The following SUMF1 variants were observed in gnomAD, a reference collection of about 807,000 sequenced individuals.
SUMF1 encodes the protein sulfatase modifying factor 1, also known as formylglycine-generating enzyme.
In SUMF1, 48 loss-of-function variants were observed where a neutral mutation model predicts 47.6. That is an observed-to-expected ratio of 1.01 (90% CI 0.80 to 1.28). SUMF1 has a LOEUF of 1.28. Ranked by LOEUF, SUMF1 falls within the 50% of genes most tolerant of loss-of-function variation. The pLI, the probability that SUMF1 is intolerant of heterozygous loss-of-function variation, is 0.00. For missense variants in SUMF1, 571 were observed against 485.4 expected, an observed-to-expected ratio of 1.18 and a Z score of -1.66; for synonymous variants, 230 against 192.1, an observed-to-expected ratio of 1.20 and a Z score of -1.63.
chr3:4,086,999 G>A (rs533555283), intron 8 of SUMF1, among the ~76,000 whole-genome samples: 133 of 152,190 alleles, frequency 8.7e-4, no homozygotes, highest in Non-Finnish European at 1.6e-3. Context: ...TATCAGTAGC[G>A]TGAAAACAGA....
At chr3:4,359,070 G>A (rs944414482), downstream of SUMF1, among the ~76,000 whole-genome samples, 3 of 152,160 alleles carry the variant, frequency 2.0e-5, no homozygotes, top group South Asian at 6.2e-4. Flanking sequence ...TATGTTTTGT[G>A]TACAATGTCA....
Position 4,055,337 on chromosome 3 carries a change from C to T in SUMF1, c.1191+13232G>A, listed in dbSNP as rs112207758. Among the ~76,000 whole-genome samples, 838 of 152,114 alleles carry T rather than the reference C, an allele frequency of 5.5e-3. 12 individuals carry two copies. The highest frequency in any genetic ancestry group is 0.018 in the African/African-American group (767 of 41,514). On this transcript the variant is annotated intron_variant and NMD_transcript_variant, in intron 9 of 12. Coordinates refer to the SUMF1 transcript ENST00000448413. The stretch of plus-strand genomic sequence containing the variant: ...TCTCAGATATTTTCCAAGTTATTAT[C>T]CTGTATTAATATATTGACTCTTTAT...
chr3:4,196,192 G>A (rs1358287256), intron 8 of SUMF1, among the ~76,000 whole-genome samples: 1 of 152,078 alleles, frequency 6.6e-6, no homozygotes, highest in African/African-American at 2.4e-5. Flanking sequence ...TAGCTCCAGA[G>A]CCTCTGAATT....
chr3:4,225,084 G>C (rs1327061674), intron 8 of SUMF1, among the ~76,000 whole-genome samples: 2 of 150,644 alleles, frequency 1.3e-5, no homozygotes, highest in African/African-American at 2.5e-5. Flanking sequence ...AATTACAGTA[G>C]AAAGACAAGG....
intron 6 of SUMF1, among the ~76,000 whole-genome samples, chr3:4,416,860 A>G (rs769219848): frequency 1.3e-5 from 2 of 152,248 alleles, no homozygotes; most frequent in African/African-American, 2.4e-5. Flanking sequence ...TCTGGGTGGT[A>G]GAATTCCAGG....
chr3:4,043,660 T>C (rs1002325786), intron 9 of SUMF1, among the ~76,000 whole-genome samples: 1 of 152,180 alleles, frequency 6.6e-6, no homozygotes, highest in Non-Finnish European at 1.5e-5. Context: ...CTTCTTCGTC[T>C]ATCTCACACT....
rs182453008 is a variant in SUMF1 at position 4,243,976 on chromosome 3, C to T, written c.1014+132354G>A. ...GTGCATATATATTTAGGATAGTTAG[C>T]TCTTCTTGTTGAATTGATCCCTTTA... On this transcript the variant is annotated intron_variant and NMD_transcript_variant, in intron 8 of 12. Coordinates refer to the SUMF1 transcript ENST00000448413. Among the ~76,000 whole-genome samples, 1,340 of 152,278 alleles carry T rather than the reference C, an allele frequency of 8.8e-3. 33 individuals carry two copies. Among genetic ancestry groups the T allele is most frequent in the African/African-American group, 0.031 (1,281 of 41,556 alleles).
In SUMF1 at chr3:4,313,412, AT is replaced by A. The variant is rs907120390; in HGVS notation, c.1014+62917del. On this transcript the variant is annotated intron_variant and NMD_transcript_variant, in intron 8 of 12. Coordinates refer to the SUMF1 transcript ENST00000448413. ...GGAAATATTGGAAGATTCCTTAATC[AT>A]TCTTGTGAGCCAAACCTTTTGATGA... The A allele has an allele frequency of 7.4e-6, 12 of 1,613,946 alleles. No homozygotes were observed. In the Admixed American group the frequency reaches 1.8e-4, roughly 25 times the overall value.
intron 3 of SUMF1, among the ~76,000 whole-genome samples, chr3:4,427,455 C>G (rs1255775359): frequency 6.6e-6 from 1 of 152,152 alleles, no homozygotes; most frequent in Non-Finnish European, 1.5e-5. Flanking sequence ...AAAAATATTT[C>G]CTCAGTACCC....
chr3:4,368,477 C>T (rs6764763), intron 8 of SUMF1, among the ~76,000 whole-genome samples: 88,688 of 151,664 alleles, frequency 0.58, 26,306 homozygotes, highest in East Asian at 0.76. Context: ...CCCAGCCATC[C>T]CATTACTGGG....
In SUMF1 at chr3:4,035,116, G is replaced by A. The variant is rs1368420136; in HGVS notation, c.1191+33453C>T. On this transcript the variant is annotated intron_variant and NMD_transcript_variant, in intron 9 of 12. Transcript: ENST00000448413. ...GCCATAATAAAGTGGGGGACATTTT[G>A]AGTTTTTAAAGCAATGGTATGAGTT... 2.0e-5 allele frequency among the ~76,000 whole-genome samples: 3 copies of A among 152,214 alleles called. No individual in the cohort carries two copies. In the East Asian group the frequency reaches 5.8e-4, roughly 30 times the overall value.
intron 8 of SUMF1, chr3:4,316,103 G>T: frequency 1.4e-5 from 7 of 485,414 alleles, no homozygotes; most frequent in African/African-American, 2.0e-5. Flanking sequence ...TTTGGTATTT[G>T]ATATTGGAAT....
chr3:4,172,228 G>A (rs1160800366), intron 8 of SUMF1, among the ~76,000 whole-genome samples: 2 of 152,136 alleles, frequency 1.3e-5, no homozygotes, highest in South Asian at 2.1e-4. Context: ...GGAAAGAGAC[G>A]TTATTAAAGA....
chr3:4,319,619 CTT>C (rs777650461), intron 8 of SUMF1, among the ~76,000 whole-genome samples: 3 of 152,174 alleles, frequency 2.0e-5, no homozygotes, highest in Non-Finnish European at 2.9e-5. Context: ...TGTTCCAAAA[CTT>C]TTAAATGTCA....
chr3:4,275,610 G>A lies in SUMF1; in HGVS notation c.1014+100720C>T, dbSNP rs375346544. ...GATCCCTTTGGAATAGTCAACACCA[G>A]CTTAGTCTATTCAGGACCTATCTGC... On this transcript the variant is annotated intron_variant and NMD_transcript_variant, in intron 8 of 12. Coordinates refer to the SUMF1 transcript ENST00000448413. Among the ~76,000 whole-genome samples, 13 of 152,290 alleles carry A rather than the reference G, an allele frequency of 8.5e-5. 3 individuals are homozygous for A. The highest frequency in any genetic ancestry group is 6.5e-5 in the Admixed American group (1 of 15,298).
intron 8 of SUMF1, among the ~76,000 whole-genome samples, chr3:4,126,418 C>G (rs1239352740): frequency 6.6e-6 from 1 of 152,066 alleles, no homozygotes; most frequent in Non-Finnish European, 1.5e-5. Flanking sequence ...TCTCTAAACA[C>G]AACTATACAT....
intron 9 of SUMF1, among the ~76,000 whole-genome samples, chr3:4,059,800 A>T (rs1695248066): frequency 6.6e-6 from 1 of 151,974 alleles, no homozygotes; most frequent in African/African-American, 2.4e-5. Context: ...CCTGTGGAAA[A>T]AAAAAAAAAA....
At chr3:4,395,374 G>A (rs1701007984) in intron 7 of SUMF1, among the ~76,000 whole-genome samples, 2 of 152,070 alleles carry the variant, frequency 1.3e-5, no homozygotes, top group Non-Finnish European at 2.9e-5. Context: ...TTAAGAGTGA[G>A]CAGATGAAAC....
intron 7 of SUMF1, among the ~76,000 whole-genome samples, chr3:4,404,347 A>G (rs1265175012): frequency 6.6e-6 from 1 of 152,304 alleles, no homozygotes. Flanking sequence ...TTGTAGCTGT[A>G]TTAAATTTAT....
Sources: allele counts gnomAD v4.1 joint callset (sites outside exome capture counted in the v4.1 genomes callset), GRCh38; gene constraint gnomAD v4.1.1; transcripts MANE v1.5; gene names NCBI Gene and HGNC (gene_info 2026-07-23, HGNC 2026-07-21).